Variants in DNAH17 observed in about 807,000 individuals in gnomAD.
DNAH17 encodes the protein dynein axonemal heavy chain 17.
In DNAH17, 376 loss-of-function variants were observed where a neutral mutation model predicts 485.6. That is an observed-to-expected ratio of 0.77 (90% CI 0.71 to 0.84). The LOEUF (loss-of-function observed/expected upper bound fraction) is 0.84. DNAH17 is among the 40% of genes least tolerant of loss of function. The probability of loss-of-function intolerance (pLI) is 0.00; values close to 1 mark genes in which losing one functional copy is unlikely to be tolerated. For synonymous variants in DNAH17, 3,031 were observed against 2,405.9 expected (o/e 1.26, Z -7.60); for missense variants, 6,370 against 5,839.3 (o/e 1.09, Z -2.96).
At chr17:78,461,390 C>T (rs1399626039) in intron 58 of DNAH17, among the ~76,000 whole-genome samples, 154 bp downstream of exon 58, 1 of 152,186 alleles carries the variant, frequency 6.6e-6, no homozygotes, top group Non-Finnish European at 1.5e-5. Flanking sequence ...GGAGAGACTC[C>T]TTCGGGGGTC....
chr17:78,527,333 G>A (rs904476547), intron 22 of DNAH17, among the ~76,000 whole-genome samples: 1 of 152,114 alleles, frequency 6.6e-6, no homozygotes, highest in East Asian at 1.9e-4. Context: ...GCTACTGTGA[G>A]CAAGATTGTA....
At chr17:78,544,426 T>C (rs1044503533) in intron 16 of DNAH17, among the ~76,000 whole-genome samples, 19 of 152,252 alleles carry the variant, frequency 1.2e-4, no homozygotes, top group Admixed American at 1.2e-3. Flanking sequence ...TGGGGGCCAC[T>C]GATCTGCCGA....
intron 55 of DNAH17, among the ~76,000 whole-genome samples, chr17:78,467,654 C>T (rs952358729): frequency 6.6e-6 from 1 of 152,112 alleles, no homozygotes; most frequent in African/African-American, 2.4e-5. Flanking sequence ...AAGGGCAGCA[C>T]CACTGAACTC....
At position 78,439,265 on chromosome 17, in the gene DNAH17, C is replaced by T. The variant is rs771612192; in HGVS notation, c.11678-48G>A. 4 of 1,557,698 alleles carry T rather than the reference C, an allele frequency of 2.6e-6. No homozygotes were observed. In the African/African-American group the frequency reaches 5.5e-5, roughly 21 times the overall value. ...AAAAACACCACGTAATTAAATGACA[C>T]AGGTTCAGGCTCTGTGATCTACAGC... On this transcript the variant is annotated intron_variant, in intron 72 of 80. Transcript: ENST00000389840.
intron 15 of DNAH17, among the ~76,000 whole-genome samples, chr17:78,552,194 T>C (rs2091917159): frequency 1.3e-5 from 2 of 152,162 alleles, no homozygotes; most frequent in Admixed American, 1.3e-4. Context: ...AGCCCCAGAC[T>C]CCTCACGTTA....
intron 16 of DNAH17, 140 bp from the exon 17 acceptor site, chr17:78,544,137 C>A: frequency 8.1e-7 from 1 of 1,232,050 alleles, no homozygotes; most frequent in Non-Finnish European, 1.1e-6. Flanking sequence ...ACGATCCATG[C>A]CCATCAGGGG....
At position 78,450,697 on chromosome 17, in the gene DNAH17, G is replaced by A. The variant is rs138142447; in HGVS notation, c.10884C>T (p.Ser3628=). The change falls in exon 67 of 81, where the codon AGC becomes AGT. Residue 3628 remains serine (S), a synonymous_variant. Coordinates refer to ENST00000389840, the MANE Select transcript of DNAH17 (RefSeq NM_173628.4). The stretch of plus-strand genomic sequence containing the variant: ...CAGCTCTGACCTTCTCCTCGATCTC[G>A]CTGGCTGTGTGCTTGGTGGTCTCCA... The part of the protein sequence containing the change: ...ENLETTKHTA[S]EIEEKVVEAK... The A allele has an allele frequency of 3.3e-5, 53 of 1,613,180 alleles. No homozygotes were observed. Among genetic ancestry groups the A allele is most frequent in the Middle Eastern group, 1.7e-4 (1 of 5,936 alleles).
intron 27 of DNAH17, among the ~76,000 whole-genome samples, chr17:78,508,392 C>A (rs2090545711): frequency 1.3e-5 from 2 of 152,234 alleles, no homozygotes; most frequent in Non-Finnish European, 2.9e-5. Context: ...GCCTCTTACA[C>A]AGATTACTTT....
intron 37 of DNAH17, 87 bp downstream of exon 37, chr17:78,498,921 G>C (rs545097749): frequency 6.1e-5 from 62 of 1,018,388 alleles, no homozygotes; most frequent in Admixed American, 8.0e-5. Context: ...GAGAGGCAAG[G>C]AGGGTCTATC....
At position 78,466,819 on chromosome 17, in the gene DNAH17, G is replaced by A. The variant is rs1210438002; in HGVS notation, c.8779-3C>T. 4 of 1,576,418 alleles carry A rather than the reference G, an allele frequency of 2.5e-6. No individual in the cohort carries two copies. Among genetic ancestry groups the A allele is most frequent in the African/African-American group, 1.4e-5 (1 of 73,420 alleles). ...ACAGGGGAGAAACACAGGATCACCT[G>A]GGTGTGGGAGACACAGATGCGCTGC... On this transcript the variant is annotated splice_polypyrimidine_tract_variant and splice_region_variant and intron_variant, in intron 55 of 80. Transcript: ENST00000389840.
At chr17:78,494,869 G>A (rs1466178230) in intron 39 of DNAH17, 49 bp from the exon 40 acceptor site, 2 of 1,571,686 alleles carry the variant, frequency 1.3e-6, no homozygotes, top group African/African-American at 2.7e-5. Context: ...CCTTCCTGTG[G>A]CCAGCAGGCA....
intron 16 of DNAH17, among the ~76,000 whole-genome samples, chr17:78,548,904 A>G (rs1176204583): frequency 6.6e-6 from 1 of 152,256 alleles, no homozygotes; most frequent in East Asian, 1.9e-4. Context: ...AGTGCAGAGC[A>G]TGCTGGTCCC....
chr17:78,497,602 C>T (rs2090120639), intron 37 of DNAH17, among the ~76,000 whole-genome samples: 1 of 152,228 alleles, frequency 6.6e-6, no homozygotes, highest in Non-Finnish European at 1.5e-5. Context: ...AGAGGGTCCC[C>T]ACGGTAACAG....
At chr17:78,441,856 G>A (rs944910193) in intron 71 of DNAH17, among the ~76,000 whole-genome samples, 1 of 152,122 alleles carries the variant, frequency 6.6e-6, no homozygotes, top group Non-Finnish European at 1.5e-5. Flanking sequence ...AGGCCAAGGA[G>A]GGCAGATCAC....
chr17:78,570,856 CAAAAAAA>C lies in DNAH17; in HGVS notation c.918+85_918+91del, dbSNP rs60897530. On this transcript the variant is annotated intron_variant, in intron 6 of 80. Coordinates refer to ENST00000389840, the MANE Select transcript of DNAH17 (RefSeq NM_173628.4). ...CTGGTGACAGAGCGAGACTCCCTCT[CAAAAAAA>C]AAAAAAAAAAAAAAAGAAAAAAGAA... 282 of 292,050 alleles carry C rather than the reference CAAAAAAA, an allele frequency of 9.7e-4. 2 individuals carry two copies. The highest frequency in any genetic ancestry group is 1.3e-3 in the East Asian group (15 of 11,478). The allele number at this position is 292,050 out of a possible 1,614,324, so 18.1% of individuals were successfully genotyped here. A position where few individuals can be genotyped will look rare whatever the true frequency, so the allele number is the denominator to read the frequency against.
intron 55 of DNAH17, among the ~76,000 whole-genome samples, chr17:78,468,228 A>T (rs2088577402): frequency 6.6e-6 from 1 of 152,162 alleles, no homozygotes; most frequent in African/African-American, 2.4e-5. Context: ...AGCATTCTAC[A>T]TTATATTAGG....
chr17:78,484,730 C>T lies in DNAH17; in HGVS notation c.7649+138G>A, dbSNP rs553739090. The T allele has an allele frequency of 4.8e-4, 208 of 430,242 alleles. No individual in the cohort carries two copies. In the African/African-American group the frequency reaches 5.0e-3, roughly 10 times the overall value. The allele number at this position is 430,242 out of a possible 1,614,324, so 26.7% of individuals were successfully genotyped here. On this transcript the variant is annotated intron_variant, in intron 48 of 80. Transcript: ENST00000389840. The stretch of plus-strand genomic sequence containing the variant: ...GCTACGACCCGTGTCTCCCTACCCA[C>T]GTTGCAGCACCCCCCCCACCGCCCC...
In DNAH17 at chr17:78,564,713, G is replaced by A. The variant is rs572780423; in HGVS notation, c.1569+1901C>T. Among the ~76,000 whole-genome samples, 46 of 152,260 alleles carry A rather than the reference G, an allele frequency of 3.0e-4. 1 individual carries two copies. The highest frequency in any genetic ancestry group is 8.7e-4 in the African/African-American group (36 of 41,550). On this transcript the variant is annotated intron_variant, in intron 11 of 80. Coordinates refer to ENST00000389840, the MANE Select transcript of DNAH17 (RefSeq NM_173628.4). The stretch of plus-strand genomic sequence containing the variant: ...TGCACTGCAGGAAATACTCAGAAGC[G>A]CCTGCCCTGTGCTAGGCTCAGTTCT...
chr17:78,541,281 A>G (rs1214524994), intron 17 of DNAH17, among the ~76,000 whole-genome samples: 1 of 34,448 alleles, frequency 2.9e-5, no homozygotes, highest in Non-Finnish European at 5.1e-5. Context: ...GGGGTAAGCA[A>G]GCAGATGGGT....
Sources: gnomAD v4.1 joint callset for allele counts (sites outside exome capture counted in the v4.1 genomes callset) on GRCh38, gnomAD v4.1.1 for gene constraint, MANE v1.5 for transcripts, NCBI Gene and HGNC (gene_info 2026-07-23, HGNC 2026-07-21) for gene names.